The following NIBAN2 variants were observed in gnomAD, a reference collection of about 807,000 sequenced individuals.
NIBAN2 encodes the protein niban apoptosis regulator 2.
Under a neutral mutation model 81.8 loss-of-function variants are expected in NIBAN2, and 36 were observed. The observed-to-expected ratio is 0.44, with a 90% CI of 0.34 to 0.58. The LOEUF (loss-of-function observed/expected upper bound fraction) is 0.58, where lower values mean the gene tolerates loss of function less well. Among genes scored for constraint, NIBAN2 ranks in the 20% least tolerant of loss-of-function variants. The pLI, the probability that NIBAN2 is intolerant of heterozygous loss-of-function variation, is 0.02. For synonymous variants in NIBAN2, 445 were observed against 441.6 expected, an observed-to-expected ratio of 1.01 and a Z score of -0.10; for missense variants, 897 against 1,014.1, an observed-to-expected ratio of 0.88 and a Z score of 1.57.
intron 1 of NIBAN2, among the ~76,000 whole-genome samples, chr9:127,564,409 G>C (rs1011135153): frequency 2.6e-5 from 4 of 151,976 alleles, no homozygotes; most frequent in Non-Finnish European, 5.9e-5. Flanking sequence ...TAGCAAAATA[G>C]TGGAAACAAC....
At position 127,506,628 on chromosome 9, in the gene NIBAN2, T is replaced by C; in HGVS notation, c.*217A>G. 1 of 439,050 alleles carries C rather than the reference T, an allele frequency of 2.3e-6. No individual in the cohort carries two copies. Among genetic ancestry groups the C allele is most frequent in the Non-Finnish European group, 4.0e-6 (1 of 250,096 alleles). 27.2% of individuals were successfully genotyped at this position (439,050 alleles called of 1,614,324 possible). A position where few individuals can be genotyped will look rare whatever the true frequency, so the allele number is the denominator to read the frequency against. ...GAAAACCCCAAAACCAGCCCCTGCA[T>C]CTGAGATCATCCCACAGAAGAGAAA... is the stretch of plus-strand genomic sequence containing the variant. On this transcript the variant is annotated 3_prime_UTR_variant, in exon 14 of 14. Coordinates refer to ENST00000373312, the MANE Select transcript of NIBAN2 (RefSeq NM_022833.4).
At chr9:127,574,076 G>T (rs577231113) in intron 1 of NIBAN2, among the ~76,000 whole-genome samples, 1 of 152,312 alleles carries the variant, frequency 6.6e-6, no homozygotes, top group Admixed American at 6.5e-5. Context: ...AAATCTGCAA[G>T]GCAGAGGGAT....
rs1217465638 is a variant in NIBAN2, at chr9:127,517,925, G to A, written c.606C>T (p.Ser202=). Residue 202 remains serine (S), a synonymous_variant, in exon 6 of 14, where the codon TCC becomes TCT. Transcript: ENST00000373312. This position sits in a 1 kb window ranked among gnomAD's most constrained non-coding sequence, Gnocchi z 4.0. The stretch of plus-strand genomic sequence containing the variant: ...CTGTGAACGCAGGGCCCTCTACCTT[G>A]GAGTCCTCAGGGATTCCTGCCCAGG... ...RHCNNGIPED[S]KVEGPAFTDA... 1.2e-6 allele frequency: 2 copies of A among 1,607,072 alleles called. No homozygotes were observed. The highest frequency in any genetic ancestry group is 1.3e-5 in the African/African-American group (1 of 74,800).
At chr9:127,511,918 G>A (rs563780089) in intron 8 of NIBAN2, among the ~76,000 whole-genome samples, 2 of 152,262 alleles carry the variant, frequency 1.3e-5, no homozygotes, top group South Asian at 4.1e-4. Context: ...CAGTTAAAAT[G>A]GCTTTATCCA....
chr9:127,573,313 T>G (rs61272563), upstream of NIBAN2, among the ~76,000 whole-genome samples: 4,172 of 145,522 alleles, frequency 0.029, 72 homozygotes, highest in Middle Eastern at 0.05. Flanking sequence ...GAATTTGTTG[T>G]TTTTTTTTTT....
chr9:127,516,821 CT>C, intron 8 of NIBAN2, 35 bp downstream of exon 8: 1 of 1,593,858 alleles, frequency 6.3e-7, no homozygotes, highest in Non-Finnish European at 8.6e-7. Context: ...ACCTTGGCCC[CT>C]GGAGGGCCCG....
At chr9:127,558,057 C>G (rs1438603906) in intron 1 of NIBAN2, among the ~76,000 whole-genome samples, 1 of 152,150 alleles carries the variant, frequency 6.6e-6, no homozygotes, top group Non-Finnish European at 1.5e-5. Context: ...CCTTCCCCCT[C>G]CTCTTTTCCT....
chr9:127,541,157 C>G (rs965467904), intron 1 of NIBAN2, among the ~76,000 whole-genome samples: 1 of 152,222 alleles, frequency 6.6e-6, no homozygotes, highest in African/African-American at 2.4e-5. Context: ...GTGCCTGAGA[C>G]AGCAGGGAGA....
intron 1 of NIBAN2, among the ~76,000 whole-genome samples, chr9:127,574,759 C>A (rs1040116128): frequency 2.6e-5 from 4 of 152,206 alleles, no homozygotes; most frequent in Non-Finnish European, 2.9e-5. Context: ...TCTGTTTACC[C>A]AGTTGGCATG....
intron 1 of NIBAN2, among the ~76,000 whole-genome samples, chr9:127,549,922 G>A (rs778451897): frequency 1.3e-4 from 20 of 152,056 alleles, no homozygotes; most frequent in African/African-American, 3.1e-4. Context: ...TCCCAGCCCC[G>A]CCAGCCTCCC....
intron 1 of NIBAN2, among the ~76,000 whole-genome samples, chr9:127,534,627 C>T (rs1837240647): frequency 6.6e-6 from 1 of 152,180 alleles, no homozygotes; most frequent in Admixed American, 6.5e-5. Flanking sequence ...GGGATGCCCC[C>T]CAACCCCTCT....
upstream of NIBAN2, among the ~76,000 whole-genome samples, chr9:127,572,871 C>T (rs574959164): frequency 6.6e-6 from 1 of 151,746 alleles, no homozygotes; most frequent in African/African-American, 2.4e-5. Flanking sequence ...AGAATGAGAC[C>T]CCGTCGTTAA....
intron 8 of NIBAN2, among the ~76,000 whole-genome samples, chr9:127,515,446 G>A (rs1285434373): frequency 8.0e-5 from 12 of 150,524 alleles, no homozygotes; most frequent in East Asian, 1.9e-4. Context: ...GTGTGAACCC[G>A]GGAGGTGGAG....
chr9:127,553,643 C>T (rs769403753), intron 1 of NIBAN2, among the ~76,000 whole-genome samples: 41 of 152,230 alleles, frequency 2.7e-4, no homozygotes, highest in Non-Finnish European at 5.1e-4. Context: ...TGCTCAGCCT[C>T]GTGCAGCGCA....
intron 1 of NIBAN2, among the ~76,000 whole-genome samples, chr9:127,535,763 C>A (rs1453601570): frequency 6.6e-6 from 1 of 151,928 alleles, no homozygotes; most frequent in Non-Finnish European, 1.5e-5. Context: ...AGGAACTCTG[C>A]TGGAGGGGTC....
chr9:127,508,241 G>A lies in NIBAN2; in HGVS notation c.1435-41C>T. The A allele has an allele frequency of 6.6e-7, 1 of 1,519,250 alleles. No homozygotes were observed. The highest frequency in any genetic ancestry group is 1.4e-5 in the African/African-American group (1 of 73,184). 94.1% of individuals were successfully genotyped at this position (1,519,250 alleles called of 1,614,324 possible). ...GGGTCGGGGGTCTGCAGGTCAGTGG[G>A]CTCCATTGGCCCTGAGGGTAGGACG... On this transcript the variant is annotated intron_variant, in intron 11 of 13. Coordinates refer to ENST00000373312, the MANE Select transcript of NIBAN2 (RefSeq NM_022833.4). The surrounding 1 kb of genome is among the most constrained non-coding windows in gnomAD (Gnocchi z 6.4).
rs991223900 is a variant in NIBAN2, at chr9:127,563,705, G to A, written c.55+5115C>T. On this transcript the variant is annotated intron_variant, in intron 1 of 13. Transcript: ENST00000373312. The surrounding 1 kb of genome is among the most constrained non-coding windows in gnomAD (Gnocchi z 4.1). ...GCCCGGCTAATTTTTTAGTAGAGAC[G>A]TGGTTTCATCATGTTTGCCAGGCTG... Among the ~76,000 whole-genome samples the A allele has an allele frequency of 3.3e-5, 5 of 152,004 alleles. No homozygotes were observed. The highest frequency in any genetic ancestry group is 9.7e-5 in the African/African-American group (4 of 41,400).
At chr9:127,534,451 A>T (rs1351351276) in intron 1 of NIBAN2, among the ~76,000 whole-genome samples, 1 of 152,160 alleles carries the variant, frequency 6.6e-6, no homozygotes, top group Non-Finnish European at 1.5e-5. Flanking sequence ...TGGGTGGTAG[A>T]GCTGGGATGC....
At chr9:127,567,401 C>T (rs761070480) in intron 1 of NIBAN2, among the ~76,000 whole-genome samples, 1 of 152,194 alleles carries the variant, frequency 6.6e-6, no homozygotes, top group Non-Finnish European at 1.5e-5. Flanking sequence ...GGACTTAACC[C>T]CACGCTGGTC....
Sources: gnomAD v4.1 joint callset for allele counts (sites outside exome capture counted in the v4.1 genomes callset) on GRCh38, gnomAD v4.1.1 for gene constraint, Gnocchi (gnomAD v3.1) non-coding constraint, MANE v1.5 for transcripts, NCBI Gene and HGNC (gene_info 2026-07-23, HGNC 2026-07-21) for gene names.